The following NPAS3 variants were observed in gnomAD, a reference collection of about 807,000 sequenced individuals.
NPAS3 encodes the protein neuronal PAS domain protein 3, also known as neuronal PAS domain-containing protein 3.
In NPAS3, 14 loss-of-function variants were observed where a neutral mutation model predicts 73.1. That is an observed-to-expected ratio of 0.19 (90% CI 0.13 to 0.30). The LOEUF (loss-of-function observed/expected upper bound fraction) is 0.30, where lower values mean the gene tolerates loss of function less well. Ranked by LOEUF, NPAS3 falls within the 10% of genes least tolerant of loss-of-function variation. The probability of loss-of-function intolerance (pLI) is 1.00; values close to 1 mark genes in which losing one functional copy is unlikely to be tolerated. For synonymous variants in NPAS3, 620 were observed against 541.5 expected (o/e 1.14, Z -2.01); for missense variants, 1,096 against 1,250.0 (o/e 0.88, Z 1.86).
At chr14:33,104,019 T>C (rs2042651591) in intron 2 of NPAS3, among the ~76,000 whole-genome samples, 1 of 152,104 alleles carries the variant, frequency 6.6e-6, no homozygotes, top group Non-Finnish European at 1.5e-5. Flanking sequence ...CCCTAAAAGC[T>C]TATGGCGTCT....
intron 2 of NPAS3, among the ~76,000 whole-genome samples, chr14:33,203,939 A>G (rs2046721457): frequency 6.6e-6 from 1 of 152,192 alleles, no homozygotes; most frequent in South Asian, 2.1e-4. Context: ...AGTCCCACCA[A>G]CAGTGTAAGT....
intron 1 of NPAS3, among the ~76,000 whole-genome samples, chr14:33,022,948 GCAGA>G (rs1422545443): frequency 6.6e-6 from 1 of 152,058 alleles, no homozygotes; most frequent in Non-Finnish European, 1.5e-5. Flanking sequence ...CTTTCTGAGT[GCAGA>G]CAGAATCTAC....
chr14:33,682,140 A>T (rs11156810), intron 6 of NPAS3, among the ~76,000 whole-genome samples: 4,246 of 152,346 alleles, frequency 0.028, 177 homozygotes, highest in African/African-American at 0.093. Context: ...GTAAACACAC[A>T]TTTAATTGCT....
intron 2 of NPAS3, among the ~76,000 whole-genome samples, chr14:33,073,086 TG>T (rs2041541406): frequency 6.6e-6 from 1 of 152,194 alleles, no homozygotes; most frequent in Admixed American, 6.5e-5. Context: ...TTTTAATCAC[TG>T]GGCAAATTGG....
chr14:33,459,649 T>TA (rs2050169840), intron 4 of NPAS3, among the ~76,000 whole-genome samples: 1 of 152,214 alleles, frequency 6.6e-6, no homozygotes, highest in Non-Finnish European at 1.5e-5. Flanking sequence ...GGAGTGTTGG[T>TA]AAAAATGATA....
intron 6 of NPAS3, among the ~76,000 whole-genome samples, chr14:33,723,221 T>C (rs17101778): frequency 0.044 from 6,744 of 152,218 alleles, 444 homozygotes; most frequent in African/African-American, 0.14. Flanking sequence ...AAATGTATCT[T>C]GGGCCAATCT....
At chr14:33,511,459 A>G (rs1015159821) in intron 4 of NPAS3, among the ~76,000 whole-genome samples, 4 of 152,112 alleles carry the variant, frequency 2.6e-5, no homozygotes, top group Non-Finnish European at 4.4e-5. Flanking sequence ...AGAAAGGGCC[A>G]AATTTCTAAA....
At chr14:33,733,256 T>C (rs1331150860) in intron 6 of NPAS3, among the ~76,000 whole-genome samples, 2 of 150,476 alleles carry the variant, frequency 1.3e-5, no homozygotes, top group African/African-American at 2.5e-5. Flanking sequence ...TCCACCAGGA[T>C]GAAAAAAACT....
At chr14:33,010,614 A>G (rs756321722) in intron 1 of NPAS3, among the ~76,000 whole-genome samples, 1 of 152,224 alleles carries the variant, frequency 6.6e-6, no homozygotes, top group Admixed American at 6.5e-5. Context: ...TTGCAAAAAC[A>G]TCACCAAGCT....
At chr14:32,969,327 C>T (rs1395796037) in intron 1 of NPAS3, among the ~76,000 whole-genome samples, 1 of 151,974 alleles carries the variant, frequency 6.6e-6, no homozygotes, top group African/African-American at 2.4e-5. Flanking sequence ...AACCCTGGTG[C>T]GGTGTGGGTG....
chr14:33,210,266 T>C lies in NPAS3; in HGVS notation c.141-4916T>C, dbSNP rs1465993601. ...TGTGGACAAGTGGCCCAGTAAACAA[T>C]TGACCTCTTATCCAGCTTCATGGTA... On this transcript the variant is annotated intron_variant, in intron 2 of 11. Transcript: ENST00000356141. Among the ~76,000 whole-genome samples, 6 of 152,214 alleles carry C rather than the reference T, an allele frequency of 3.9e-5. No homozygotes were observed. In the South Asian group the frequency reaches 8.3e-4, roughly 21 times the overall value.
chr14:33,717,164 C>G (rs1357239228), intron 6 of NPAS3, among the ~76,000 whole-genome samples: 1 of 89,264 alleles, frequency 1.1e-5, no homozygotes, highest in Non-Finnish European at 2.5e-5. Context: ...TTGACATAAA[C>G]TTATGAATTA....
chr14:33,552,193 G>T (rs1010980920), intron 4 of NPAS3, among the ~76,000 whole-genome samples: 1 of 152,158 alleles, frequency 6.6e-6, no homozygotes, highest in Non-Finnish European at 1.5e-5. Flanking sequence ...AGACTCACTC[G>T]TGTGGAAAGA....
intron 4 of NPAS3, among the ~76,000 whole-genome samples, chr14:33,531,973 T>G (rs964947962): frequency 6.6e-6 from 1 of 152,154 alleles, no homozygotes; most frequent in Non-Finnish European, 1.5e-5. Flanking sequence ...TTGAATCAAG[T>G]CTTGTCTGCC....
intron 2 of NPAS3, among the ~76,000 whole-genome samples, chr14:33,162,751 T>C (rs999849136): frequency 2.0e-4 from 31 of 152,196 alleles, no homozygotes; most frequent in African/African-American, 7.2e-4. Context: ...CCTCTCTTTA[T>C]TGGTCCCTGT....
intron 3 of NPAS3, among the ~76,000 whole-genome samples, chr14:33,329,991 C>T (rs1455402489): frequency 2.0e-5 from 3 of 152,140 alleles, no homozygotes; most frequent in Non-Finnish European, 2.9e-5. Context: ...AAAAAACACA[C>T]TGCCTGGACT....
intron 3 of NPAS3, among the ~76,000 whole-genome samples, chr14:33,227,029 G>A (rs958951366): frequency 6.6e-6 from 1 of 152,090 alleles, no homozygotes; most frequent in African/African-American, 2.4e-5. Flanking sequence ...TTGAAAAGAG[G>A]CATGAAGATA....
chr14:33,215,472 G>A (rs1460977116), intron 3 of NPAS3, 46 bp downstream of exon 3: 1 of 1,602,078 alleles, frequency 6.2e-7, no homozygotes, highest in Non-Finnish European at 8.5e-7. Flanking sequence ...GGTCTGTAGG[G>A]GTCTGTAAGA....
chr14:33,780,798 A>C, intron 9 of NPAS3: 1 of 347,612 alleles, frequency 2.9e-6, no homozygotes, highest in South Asian at 2.2e-5. Context: ...CCACTCCACC[A>C]TTCACTATTG....
Sources: allele counts gnomAD v4.1 joint callset (sites outside exome capture counted in the v4.1 genomes callset), GRCh38; gene constraint gnomAD v4.1.1; transcripts MANE v1.5; gene names NCBI Gene and HGNC (gene_info 2026-07-23, HGNC 2026-07-21).